The following HEY2 variants were observed in gnomAD, a reference collection of about 807,000 sequenced individuals.
The protein encoded by HEY2 is hes related family bHLH transcription factor with YRPW motif 2.
A neutral mutation model predicts 18.1 loss-of-function variants in HEY2; 10 were observed. The ratio of observed to expected loss-of-function variants is 0.55; its 90% CI spans 0.34 to 0.94. The LOEUF (loss-of-function observed/expected upper bound fraction) is 0.94. HEY2 is among the 40% of genes least tolerant of loss of function. HEY2 has a pLI of 0.02. For missense variants in HEY2, 455 were observed against 455.9 expected (o/e 1.00, Z 0.02); for synonymous variants, 210 against 182.7 (o/e 1.15, Z -1.21).
chr6:125,751,235 T>C (rs1360527570), intron 1 of HEY2, among the ~76,000 whole-genome samples: 2 of 152,196 alleles, frequency 1.3e-5, no homozygotes, highest in Admixed American at 6.5e-5. Context: ...ATGCAAAACA[T>C]CAAGTTTGTC....
Position 125,759,335 on chromosome 6 carries a change from C to T in HEY2, c.547C>T (p.His183Tyr), listed in dbSNP as rs377149107. ...MAHHHHPLHP[H>Y]HWAAAFHHLP... is the part of the protein sequence containing the mutation. Reference sequence around the variant, plus strand: ...CCACCACCATCATCCGCTCCACCCGCATCACTGGGCCGCCGCCTTCCACCA... The same window carrying T: ...CCACCACCATCATCCGCTCCACCCGTATCACTGGGCCGCCGCCTTCCACCA... The change falls in exon 5 of 5, where the codon CAT becomes TAT. Residue 183 changes from histidine to tyrosine, a missense_variant. His to Tyr is a moderately conservative substitution (Grantham distance 83). Transcript: ENST00000368364. 32 of 1,604,284 alleles carry T rather than the reference C, an allele frequency of 2.0e-5. No homozygotes were observed. In the African/African-American group the frequency reaches 4.3e-4, roughly 21 times the overall value.
intron 1 of HEY2, among the ~76,000 whole-genome samples, chr6:125,751,457 A>T (rs1009855147): frequency 1.1e-4 from 16 of 152,202 alleles, no homozygotes; most frequent in African/African-American, 3.9e-4. Flanking sequence ...GCTATTTGAG[A>T]TTAGTTGACT....
rs534878891 is a variant in HEY2 at position 125,749,746 on chromosome 6, C to A, written c.-31C>A. 1 of 1,535,776 alleles carries A rather than the reference C, an allele frequency of 6.5e-7. No individual in the cohort carries two copies. ...CCCCGCTCGGCGTCCGAGCTTCCGG[C>A]CGGGCTGTGCCCCGCGCGGTCTTCG... On this transcript the variant is annotated 5_prime_UTR_variant, in exon 1 of 5. Coordinates refer to ENST00000368364, the MANE Select transcript of HEY2 (RefSeq NM_012259.3).
chr6:125,752,793 C>G (rs895777255), intron 3 of HEY2, among the ~76,000 whole-genome samples: 25 of 152,326 alleles, frequency 1.6e-4, no homozygotes, highest in African/African-American at 6.0e-4. Context: ...CTCCCCCTGC[C>G]GCAGTGGTTA....
intron 3 of HEY2, 103 bp from the exon 4 acceptor site, chr6:125,754,362 A>T: frequency 1.8e-6 from 1 of 557,418 alleles, no homozygotes; most frequent in Non-Finnish European, 2.9e-6. Flanking sequence ...GGGATTGTCT[A>T]GTGAGAGGGA....
intron 3 of HEY2, among the ~76,000 whole-genome samples, chr6:125,754,212 T>C (rs892085062): frequency 2.6e-5 from 4 of 152,230 alleles, no homozygotes; most frequent in Non-Finnish European, 4.4e-5. Flanking sequence ...ATTATTCTTA[T>C]GATTTAAAAA....
intron 4 of HEY2, among the ~76,000 whole-genome samples, chr6:125,758,045 T>G (rs1197886363): frequency 1.3e-5 from 2 of 152,228 alleles, no homozygotes; most frequent in East Asian, 3.8e-4. Flanking sequence ...AACTTTTGAT[T>G]TGGAAATTAC....
rs987876739 is a variant in HEY2, at chr6:125,750,472, A to G, written c.83+613A>G. The G allele has an allele frequency of 4.5e-6, 4 of 894,826 alleles. No homozygotes were observed. The African/African-American group carries it at 7.2e-5, about 16-fold the overall frequency. 55.4% of individuals were successfully genotyped at this position (894,826 alleles called of 1,614,324 possible). On this transcript the variant is annotated intron_variant, in intron 1 of 4. Transcript: ENST00000368364. ...TCGTAATCACAGAAGCCAGACCTCC[A>G]CTTTCCTGTGACAGAGGGAGATTAC...
chr6:125,751,291 G>A (rs1284973515), intron 1 of HEY2, among the ~76,000 whole-genome samples: 2 of 152,192 alleles, frequency 1.3e-5, no homozygotes, highest in African/African-American at 4.8e-5. Context: ...TTTTGAAACA[G>A]TAAGATAACT....
Position 125,761,064 on chromosome 6 carries a change from G to A in HEY2, c.*1262G>A, listed in dbSNP as rs1242657862. 2.0e-5 allele frequency: 3 copies of A among 152,618 alleles called. No individual in the cohort carries two copies. Among genetic ancestry groups the A allele is most frequent in the African/African-American group, 7.2e-5 (3 of 41,452 alleles). The allele number at this position is 152,618 out of a possible 1,614,324, so 9.5% of individuals were successfully genotyped here. A position where few individuals can be genotyped will look rare whatever the true frequency, so the allele number is the denominator to read the frequency against. Reference sequence around the variant, plus strand: ...GTGAGAGTTTTTGTTTAAAAGATAAGAGACACAGCATGTATTATGCACTTC... The same window carrying A: ...GTGAGAGTTTTTGTTTAAAAGATAAAAGACACAGCATGTATTATGCACTTC... On this transcript the variant is annotated 3_prime_UTR_variant, in exon 5 of 5. Transcript: ENST00000368364.
intron 4 of HEY2, among the ~76,000 whole-genome samples, chr6:125,755,533 TCAGGGCAGAGGC>T (rs1288298251): frequency 1.3e-5 from 2 of 152,132 alleles, no homozygotes; most frequent in Non-Finnish European, 2.9e-5. Context: ...GGGTCCTAGA[TCAGGGCAGAGGC>T]AGGACATTGG....
Position 125,759,188 on chromosome 6 carries a change from G to A in HEY2, c.400G>A (p.Ala134Thr), listed in dbSNP as rs1444430223. The change falls in exon 5 of 5, where the codon GCG becomes ACG. Residue 134 changes from alanine (A) to threonine (T), a missense_variant. By Grantham distance (58) the Ala-to-Thr change is moderately conservative (BLOSUM62 0). Coordinates refer to ENST00000368364, the MANE Select transcript of HEY2 (RefSeq NM_012259.3). Reference sequence around the variant, plus strand: ...ATTCCGAGAGTGCCTAACAGAAGTTGCGCGGTACCTGAGCTCCGTGGAAGG... The same window carrying A: ...ATTCCGAGAGTGCCTAACAGAAGTTACGCGGTACCTGAGCTCCGTGGAAGG... Reference protein sequence around the residue: ...IGFRECLTEVARYLSSVEGLD... With the variant: ...IGFRECLTEVTRYLSSVEGLD... The A allele has an allele frequency of 3.1e-6, 5 of 1,613,652 alleles. No individual in the cohort carries two copies. The highest frequency in any genetic ancestry group is 4.2e-6 in the Non-Finnish European group (5 of 1,179,996).
At chr6:125,752,197 G>A (rs1329007841) in intron 3 of HEY2, 107 bp downstream of exon 3, 5 of 667,688 alleles carry the variant, frequency 7.5e-6, no homozygotes, top group Non-Finnish European at 1.3e-5. Flanking sequence ...TCTTGTTAAA[G>A]CTCATTAAAA....
chr6:125,759,645 T>A lies in HEY2; in HGVS notation c.857T>A (p.Phe286Tyr), dbSNP rs558910462. The change falls in exon 5 of 5, where the codon TTC (phenylalanine) becomes TAC (tyrosine). Residue 286 changes from phenylalanine to tyrosine, a missense_variant. Physicochemically the swap from Phe to Tyr is conservative, Grantham distance 22 (BLOSUM62 3). Coordinates refer to ENST00000368364, the MANE Select transcript of HEY2 (RefSeq NM_012259.3). Reference sequence around the variant, plus strand: ...TTCCCTCTGTCCTTCGCGGGGGCATTCCCCATGCTTCCCCCAAACGCAGCA... The same window carrying A: ...TTCCCTCTGTCCTTCGCGGGGGCATACCCCATGCTTCCCCCAAACGCAGCA... The part of the protein sequence containing the change: ...HSFPLSFAGA[F>Y]PMLPPNAAAA... The A allele has an allele frequency of 6.2e-7, 1 of 1,611,202 alleles. No homozygotes were observed. The highest frequency in any genetic ancestry group is 1.3e-5 in the African/African-American group (1 of 74,980).
At chr6:125,756,939 C>T (rs561173383) in intron 4 of HEY2, among the ~76,000 whole-genome samples, 4 of 152,278 alleles carry the variant, frequency 2.6e-5, no homozygotes, top group South Asian at 2.1e-4. Flanking sequence ...TCATCATTTC[C>T]CTCTGAAGTC....
At chr6:125,755,799 C>T (rs922863594) in intron 4 of HEY2, among the ~76,000 whole-genome samples, 2 of 152,204 alleles carry the variant, frequency 1.3e-5, no homozygotes, top group African/African-American at 4.8e-5. Context: ...GATTAAATCA[C>T]AGAAGCCAAT....
chr6:125,757,245 G>A (rs892781686), intron 4 of HEY2, among the ~76,000 whole-genome samples: 6 of 152,170 alleles, frequency 3.9e-5, no homozygotes, highest in African/African-American at 1.4e-4. Flanking sequence ...ATGGGAGTCA[G>A]AAGTCTGCAA....
At chr6:125,756,292 G>C (rs1466543499) in intron 4 of HEY2, among the ~76,000 whole-genome samples, 1 of 152,212 alleles carries the variant, frequency 6.6e-6, no homozygotes, top group Admixed American at 6.5e-5. Flanking sequence ...TGGCGGCTGG[G>C]TGTGGTGGCT....
rs992043061 is a variant in HEY2 at position 125,760,151 on chromosome 6, C to G, written c.*349C>G. On this transcript the variant is annotated 3_prime_UTR_variant, in exon 5 of 5. Transcript: ENST00000368364. ...ATGCCCTGACTGAATTCTCTTGAGACTAGATGGGACATACATATATAGAGA... is the reference window on the plus strand; with the variant it reads ...ATGCCCTGACTGAATTCTCTTGAGAGTAGATGGGACATACATATATAGAGA... 5.5e-5 allele frequency: 16 copies of G among 288,476 alleles called. No homozygotes were observed. Among genetic ancestry groups the G allele is most frequent in the Admixed American group, 3.5e-4 (7 of 20,106 alleles). The allele number at this position is 288,476 out of a possible 1,614,324, so 17.9% of individuals were successfully genotyped here. A position where few individuals can be genotyped will look rare whatever the true frequency, so the allele number is the denominator to read the frequency against.
Sources: gnomAD v4.1 joint callset for allele counts (sites outside exome capture counted in the v4.1 genomes callset) on GRCh38, gnomAD v4.1.1 for gene constraint, MANE v1.5 for transcripts, NCBI Gene and HGNC (gene_info 2026-07-23, HGNC 2026-07-21) for gene names.